Variants in SCMH1 observed in about 807,000 individuals in gnomAD.
The protein encoded by SCMH1 is polycomb protein SCMH1.
In SCMH1, 37 loss-of-function variants were observed where a neutral mutation model predicts 70.8. The observed-to-expected ratio is 0.52, with a 90% CI of 0.40 to 0.69. SCMH1 has a LOEUF of 0.69. Among genes scored for constraint, SCMH1 ranks in the 30% least tolerant of loss-of-function variants. SCMH1 has a pLI of 0.00. For synonymous variants in SCMH1, 292 were observed against 307.4 expected (o/e 0.95, Z 0.52); for missense variants, 607 against 827.3 (o/e 0.73, Z 3.27).
At chr1:41,112,971 C>T (rs1335372798) in intron 8 of SCMH1, among the ~76,000 whole-genome samples, 1 of 152,184 alleles carries the variant, frequency 6.6e-6, no homozygotes, top group Non-Finnish European at 1.5e-5. Context: ...AATACTAGTA[C>T]TCAAACTTTG....
At chr1:41,094,285 C>CATT (rs1206871276) in intron 8 of SCMH1, among the ~76,000 whole-genome samples, 13 of 152,288 alleles carry the variant, frequency 8.5e-5, no homozygotes, top group African/African-American at 2.9e-4. Context: ...TCAAGTATAT[C>CATT]ATTACTATTA....
At chr1:41,116,527 T>C (rs900753826) in intron 7 of SCMH1, among the ~76,000 whole-genome samples, 2 of 152,230 alleles carry the variant, frequency 1.3e-5, no homozygotes, top group Non-Finnish European at 2.9e-5. Context: ...ATAGTATATA[T>C]AAAGTCCCAA....
chr1:41,178,240 A>G (rs1047105611), intron 2 of SCMH1, among the ~76,000 whole-genome samples: 2 of 152,344 alleles, frequency 1.3e-5, no homozygotes, highest in African/African-American at 2.4e-5. Context: ...TGAAGGAAGC[A>G]CTAAACACGG....
chr1:41,220,676 G>T (rs1320603206), intron 1 of SCMH1, among the ~76,000 whole-genome samples: 2 of 152,224 alleles, frequency 1.3e-5, no homozygotes, highest in Non-Finnish European at 2.9e-5. Context: ...ATACAGAAAT[G>T]AAAGACGTGG....
intron 1 of SCMH1, among the ~76,000 whole-genome samples, chr1:41,236,141 T>C (rs1040953771): frequency 1.2e-4 from 18 of 152,210 alleles, no homozygotes; most frequent in African/African-American, 4.3e-4. Context: ...TGTATTTTCA[T>C]CTTAATAGAT....
intron 13 of SCMH1, among the ~76,000 whole-genome samples, chr1:41,035,489 CTTCT>C (rs1416429304): frequency 6.6e-6 from 1 of 152,178 alleles, no homozygotes; most frequent in Non-Finnish European, 1.5e-5. Context: ...TTTTCCCCAT[CTTCT>C]TTAAGACTAG....
intron 10 of SCMH1, among the ~76,000 whole-genome samples, chr1:41,053,642 G>A (rs1162802146): frequency 6.6e-6 from 1 of 152,190 alleles, no homozygotes; most frequent in African/African-American, 2.4e-5. Context: ...AAATTTTGTG[G>A]TGGTTGTTAC....
intron 1 of SCMH1, among the ~76,000 whole-genome samples, chr1:41,208,906 T>TA (rs900693874): frequency 2.0e-5 from 3 of 151,848 alleles, no homozygotes; most frequent in African/African-American, 4.8e-5. Context: ...GAGAGAAACA[T>TA]AAAAAACCCT....
chr1:41,194,218 G>A (rs539786976), intron 1 of SCMH1, among the ~76,000 whole-genome samples: 4 of 152,254 alleles, frequency 2.6e-5, no homozygotes, highest in Non-Finnish European at 5.9e-5. Context: ...TGTCAAGAAA[G>A]GGGAAGTTTT....
exon 15 of SCMH1, chr1:41,027,590 AG>A (rs1394609282): frequency 1.3e-5 from 2 of 152,350 alleles, no homozygotes; most frequent in Non-Finnish European, 2.9e-5. Context: ...AAAGTGCCCT[AG>A]GGTAGTGTCC....
At chr1:41,126,626 C>T (rs1326819369) in intron 6 of SCMH1, among the ~76,000 whole-genome samples, 5 of 151,692 alleles carry the variant, frequency 3.3e-5, no homozygotes, top group African/African-American at 9.7e-5. Flanking sequence ...TACATATTTC[C>T]CCTTCTCTTT....
At chr1:41,052,832 AGGGAACTTC>A in intron 10 of SCMH1, among the ~76,000 whole-genome samples, 1 of 151,986 alleles carries the variant, frequency 6.6e-6, no homozygotes, top group Non-Finnish European at 1.5e-5. Flanking sequence ...AGGAGGCATA[AGGGAACTTC>A]GGGGGTGGCA....
intron 10 of SCMH1, among the ~76,000 whole-genome samples, chr1:41,051,806 C>T (rs1023726688): frequency 3.9e-5 from 6 of 151,954 alleles, no homozygotes; most frequent in Middle Eastern, 3.2e-3. Flanking sequence ...AGTTACAGTA[C>T]GCTAAGGTTA....
At chr1:41,147,275 G>A (rs1644672123) in intron 5 of SCMH1, among the ~76,000 whole-genome samples, 1 of 152,048 alleles carries the variant, frequency 6.6e-6, no homozygotes, top group Non-Finnish European at 1.5e-5. Flanking sequence ...ATTTGCATTG[G>A]TAATACAATA....
chr1:41,033,352 G>C (rs1644822167), intron 13 of SCMH1, among the ~76,000 whole-genome samples: 1 of 151,884 alleles, frequency 6.6e-6, no homozygotes, highest in South Asian at 2.1e-4. Context: ...AACTACCAGG[G>C]TGGCAGTGGT....
At chr1:41,217,941 T>C (rs532913197) in intron 1 of SCMH1, among the ~76,000 whole-genome samples, 1 of 152,328 alleles carries the variant, frequency 6.6e-6, no homozygotes, top group South Asian at 2.1e-4. Context: ...ATAATGGCAA[T>C]GTCTTTCCTA....
intron 1 of SCMH1, among the ~76,000 whole-genome samples, chr1:41,195,216 A>C (rs1308835860): frequency 6.6e-6 from 1 of 151,618 alleles, no homozygotes; most frequent in Non-Finnish European, 1.5e-5. Context: ...TTGAAACATG[A>C]AACTAGCCAT....
chr1:41,118,621 T>C (rs1671133441), intron 6 of SCMH1, among the ~76,000 whole-genome samples: 1 of 152,214 alleles, frequency 6.6e-6, no homozygotes, highest in South Asian at 2.1e-4. Context: ...TGGAAAGGAT[T>C]GTCCTATCCA....
chr1:41,189,539 T>C (rs1295127904), intron 1 of SCMH1, among the ~76,000 whole-genome samples: 1 of 152,168 alleles, frequency 6.6e-6, no homozygotes, highest in Non-Finnish European at 1.5e-5. Flanking sequence ...TATGATGAGA[T>C]GCAATATTCT....
Sources: gnomAD v4.1 joint callset for allele counts (sites outside exome capture counted in the v4.1 genomes callset) on GRCh38, gnomAD v4.1.1 for gene constraint, MANE v1.5 for transcripts, NCBI Gene and HGNC (gene_info 2026-07-23, HGNC 2026-07-21) for gene names.